NRXN3: variants seen among roughly 807,000 people sequenced by gnomAD.
NRXN3 encodes neurexin III.
Under a neutral mutation model 137.6 loss-of-function variants are expected in NRXN3, and 32 were observed. The observed-to-expected ratio is 0.23, with a 90% CI of 0.18 to 0.31. NRXN3 has a LOEUF of 0.31. Ranked by LOEUF, NRXN3 falls within the 10% of genes least tolerant of loss-of-function variation. The probability of loss-of-function intolerance (pLI) is 1.00; values close to 1 mark genes in which losing one functional copy is unlikely to be tolerated. For missense variants in NRXN3, 1,574 were observed against 2,062.5 expected (o/e 0.76, Z 4.59); for synonymous variants, 798 against 784.5 (o/e 1.02, Z -0.29).
rs192284461 is a variant in NRXN3, at chr14:78,355,797, G to A, written c.757+57937G>A. On this transcript the variant is annotated intron_variant, in intron 4 of 20. Transcript: ENST00000335750. ...TCCTTTTCTGAGATTTTACGGATAC[G>A]TCATTTATCAATCTTTAATACATGA... Among the ~76,000 whole-genome samples, 7 of 152,276 alleles carry A rather than the reference G, an allele frequency of 4.6e-5. No individual in the cohort carries two copies. In the East Asian group the frequency reaches 5.8e-4, roughly 13 times the overall value.
intron 15 of NRXN3, among the ~76,000 whole-genome samples, chr14:79,291,824 G>A (rs1204931604): frequency 6.6e-6 from 1 of 151,686 alleles, no homozygotes; most frequent in Non-Finnish European, 1.5e-5. Flanking sequence ...TTCTTAAATG[G>A]AATACTGGGC....
intron 10 of NRXN3, among the ~76,000 whole-genome samples, chr14:78,881,143 C>T (rs1002068444): frequency 1.3e-5 from 2 of 151,658 alleles, no homozygotes; most frequent in Non-Finnish European, 2.9e-5. Flanking sequence ...TTCCTGAGGC[C>T]TCCCCAGTCA....
intron 4 of NRXN3, among the ~76,000 whole-genome samples, chr14:78,522,840 C>T (rs2096305065): frequency 6.6e-6 from 1 of 152,164 alleles, no homozygotes; most frequent in Non-Finnish European, 1.5e-5. Flanking sequence ...AGGCATCCTT[C>T]TCATTAATTA....
chr14:78,901,863 T>C (rs957843368), intron 10 of NRXN3, among the ~76,000 whole-genome samples: 2 of 152,094 alleles, frequency 1.3e-5, no homozygotes, highest in African/African-American at 4.8e-5. Context: ...AAGAATTTCC[T>C]TTCTTACTCT....
intron 15 of NRXN3, among the ~76,000 whole-genome samples, chr14:79,223,568 C>G (rs2070220167): frequency 6.6e-6 from 1 of 152,008 alleles, no homozygotes. Context: ...GTTTTTAAAT[C>G]ACATTTCTTA....
Position 79,697,805 on chromosome 14 carries a change from A to T in NRXN3, c.3882A>T (p.Gly1294=), listed in dbSNP as rs761030586. The change falls in exon 19 of 21, where the codon GGA becomes GGT. Residue 1294 remains glycine, a synonymous_variant. Coordinates refer to ENST00000335750, the MANE Select transcript of NRXN3 (RefSeq NM_001330195.2). ...IKINGSVRLV[G]EVPSILGTTQ... Reference sequence around the variant, plus strand: ...TCAATGGAAGTGTTCGGCTGGTTGGAGAAGTCCCATCAATTTTGGGAACAA... The same window carrying T: ...TCAATGGAAGTGTTCGGCTGGTTGGTGAAGTCCCATCAATTTTGGGAACAA... 1.5e-5 allele frequency: 24 copies of T among 1,613,130 alleles called. No homozygotes were observed. The highest frequency in any genetic ancestry group is 1.9e-5 in the Non-Finnish European group (23 of 1,179,494).
intron 15 of NRXN3, among the ~76,000 whole-genome samples, chr14:79,093,899 T>A (rs1419275129): frequency 1.3e-5 from 2 of 152,086 alleles, no homozygotes; most frequent in Non-Finnish European, 2.9e-5. Context: ...TGATTGATTT[T>A]TTTTTTCTTT....
chr14:78,395,782 T>G (rs1253528681), intron 4 of NRXN3, among the ~76,000 whole-genome samples: 1 of 152,044 alleles, frequency 6.6e-6, no homozygotes, highest in Non-Finnish European at 1.5e-5. Context: ...AAGTCTAATG[T>G]ATTTGATATT....
chr14:79,227,808 C>CCCTT (rs765100544), intron 15 of NRXN3, among the ~76,000 whole-genome samples: 38,258 of 77,200 alleles, frequency 0.5, 7,651 homozygotes, highest in Non-Finnish European at 0.57. Context: ...CTCCCTTCCT[C>CCCTT]CCTCCCTTCC....
At chr14:79,741,309 A>G (rs192877174) in intron 19 of NRXN3, among the ~76,000 whole-genome samples, 6 of 152,298 alleles carry the variant, frequency 3.9e-5, no homozygotes, top group African/African-American at 1.4e-4. Flanking sequence ...CCAAAAACAG[A>G]GCACAAACAA....
intron 4 of NRXN3, among the ~76,000 whole-genome samples, chr14:78,627,567 G>A (rs2097478529): frequency 6.6e-6 from 1 of 152,142 alleles, no homozygotes; most frequent in Non-Finnish European, 1.5e-5. Flanking sequence ...ACATGCAGGA[G>A]GCTTGGAGTA....
At chr14:78,577,104 C>T (rs528755203) in intron 4 of NRXN3, among the ~76,000 whole-genome samples, 1 of 152,296 alleles carries the variant, frequency 6.6e-6, no homozygotes, top group Admixed American at 6.5e-5. Flanking sequence ...ATCCTGATTT[C>T]TTCTGCCTGC....
chr14:78,893,204 G>T (rs1262964806), intron 10 of NRXN3, among the ~76,000 whole-genome samples: 1 of 151,870 alleles, frequency 6.6e-6, no homozygotes, highest in Non-Finnish European at 1.5e-5. Flanking sequence ...TCATTCATGG[G>T]CTTTCTCTCT....
intron 14 of NRXN3, among the ~76,000 whole-genome samples, chr14:78,972,730 G>C (rs2099447471): frequency 6.6e-6 from 1 of 152,130 alleles, no homozygotes; most frequent in South Asian, 2.1e-4. Flanking sequence ...CATCTTTGCT[G>C]TCTCTGGTGA....
intron 15 of NRXN3, among the ~76,000 whole-genome samples, chr14:79,130,388 T>C (rs1271524330): frequency 1.3e-5 from 2 of 152,158 alleles, no homozygotes; most frequent in Non-Finnish European, 2.9e-5. Context: ...TGACAAAATC[T>C]CTCAGCATTT....
intron 2 of NRXN3, among the ~76,000 whole-genome samples, chr14:78,249,312 T>G (rs1596354887): frequency 6.6e-6 from 1 of 152,152 alleles, no homozygotes; most frequent in East Asian, 1.9e-4. Context: ...AGCCTCAGAG[T>G]AGCACGTGAA....
chr14:79,712,760 C>T (rs1241252797), intron 19 of NRXN3, among the ~76,000 whole-genome samples: 2 of 152,116 alleles, frequency 1.3e-5, no homozygotes, highest in Non-Finnish European at 2.9e-5. Context: ...CTTCTGGAGT[C>T]GTCTGACCTC....
intron 15 of NRXN3, among the ~76,000 whole-genome samples, chr14:79,044,825 G>GTTTTTT (rs5809914): frequency 2.1e-5 from 3 of 139,622 alleles, no homozygotes; most frequent in Non-Finnish European, 1.6e-5. Flanking sequence ...AGCACCTCTA[G>GTTTTTT]TTTTTTTTTT....
chr14:79,457,561 T>C (rs2096273644), intron 15 of NRXN3, among the ~76,000 whole-genome samples: 1 of 152,216 alleles, frequency 6.6e-6, no homozygotes, highest in Admixed American at 6.5e-5. Context: ...GGTTCTATGA[T>C]TAAGAGGTAT....
Sources: gnomAD v4.1 joint callset for allele counts (sites outside exome capture counted in the v4.1 genomes callset) on GRCh38, gnomAD v4.1.1 for gene constraint, MANE v1.5 for transcripts, NCBI Gene and HGNC (gene_info 2026-07-23, HGNC 2026-07-21) for gene names.